Variants in EFNA5 observed in about 807,000 individuals in gnomAD.
EFNA5 encodes the protein ephrin A5.
In EFNA5, 5 loss-of-function variants were observed where a neutral mutation model predicts 22.9. The observed-to-expected ratio is 0.22, with a 90% CI of 0.11 to 0.46. EFNA5 has a LOEUF of 0.46. Among genes scored for constraint, EFNA5 ranks in the 20% least tolerant of loss-of-function variants. EFNA5 has a pLI of 0.99. For missense variants in EFNA5, 237 were observed against 293.3 expected, an observed-to-expected ratio of 0.81 and a Z score of 1.40; for synonymous variants, 113 against 112.2, an observed-to-expected ratio of 1.01 and a Z score of -0.04.
chr5:107,379,545 G>T lies in EFNA5; in HGVS notation c.*1710C>A, dbSNP rs1424694232. 1 of 15,634 alleles carries T rather than the reference G, an allele frequency of 6.4e-5. No individual in the cohort carries two copies. The highest frequency in any genetic ancestry group is 3.3e-4 in the African/African-American group (1 of 2,990). 1.0% of individuals were successfully genotyped at this position (15,634 alleles called of 1,614,324 possible). A position where few individuals can be genotyped will look rare whatever the true frequency, so the allele number is the denominator to read the frequency against. ...GGTTTCTGTTGACATGTCGTGCAAA[G>T]CCAAAAAAAAAAAAAAAAAAAGGGC... On this transcript the variant is annotated 3_prime_UTR_variant, in exon 5 of 5. Transcript: ENST00000333274.
At chr5:107,592,014 T>A (rs1326667927) in intron 1 of EFNA5, among the ~76,000 whole-genome samples, 7 of 43,170 alleles carry the variant, frequency 1.6e-4, no homozygotes, top group Admixed American at 3.7e-4. Context: ...ATAATATATA[T>A]AATATAATAT....
At chr5:107,391,297 C>G (rs539492656) in intron 2 of EFNA5, among the ~76,000 whole-genome samples, 1 of 152,308 alleles carries the variant, frequency 6.6e-6, no homozygotes, top group South Asian at 2.1e-4. Flanking sequence ...ATATGAACCA[C>G]AGTTTAGCGT....
At chr5:107,495,266 C>A (rs927637459) in intron 1 of EFNA5, among the ~76,000 whole-genome samples, 1 of 152,132 alleles carries the variant, frequency 6.6e-6, no homozygotes, top group African/African-American at 2.4e-5. Flanking sequence ...GGACCAGGAG[C>A]CCACCGGGAG....
chr5:107,591,901 TATATAATATAAAAAATATATATATA>T lies in EFNA5; in HGVS notation c.125+78563_125+78587del, dbSNP rs1561442868. Among the ~76,000 whole-genome samples the T allele has an allele frequency of 7.3e-3, 23 of 3,132 alleles. 5 individuals carry two copies. Among genetic ancestry groups the T allele is most frequent in the African/African-American group, 0.071 (19 of 268 alleles). 2.1% of individuals were successfully genotyped at this position (3,132 alleles called of 152,430 possible). A position where few individuals can be genotyped will look rare whatever the true frequency, so the allele number is the denominator to read the frequency against. On this transcript the variant is annotated intron_variant, in intron 1 of 4. Coordinates refer to ENST00000333274, the MANE Select transcript of EFNA5 (RefSeq NM_001962.3). ...TATATAATATATATATTATATATAA[TATATAATATAAAAAATATATATATA>T]ATATATAATATATATATTATATATA...
chr5:107,502,962 C>G (rs560952589), intron 1 of EFNA5, among the ~76,000 whole-genome samples: 57 of 152,306 alleles, frequency 3.7e-4, no homozygotes, highest in African/African-American at 1.3e-3. Context: ...TAATCAGGAG[C>G]AGCTTGCTAA....
At chr5:107,440,095 T>C (rs192132332) in intron 1 of EFNA5, among the ~76,000 whole-genome samples, 72 of 152,318 alleles carry the variant, frequency 4.7e-4, no homozygotes, top group African/African-American at 1.7e-3. Flanking sequence ...TATCCATTCA[T>C]ACAGCTGGAT....
At chr5:107,487,521 G>C (rs1218669052) in intron 1 of EFNA5, among the ~76,000 whole-genome samples, 9 of 152,238 alleles carry the variant, frequency 5.9e-5, no homozygotes, top group Non-Finnish European at 1.0e-4. Flanking sequence ...GTGTCCATGA[G>C]AGTATTAGGC....
chr5:107,621,818 T>C (rs182764886), intron 1 of EFNA5, among the ~76,000 whole-genome samples: 10 of 152,284 alleles, frequency 6.6e-5, no homozygotes, highest in African/African-American at 2.2e-4. Flanking sequence ...ACTATTTTGG[T>C]AGATTTTAGT....
At chr5:107,611,231 T>C (rs1749815061) in intron 1 of EFNA5, among the ~76,000 whole-genome samples, 1 of 152,030 alleles carries the variant, frequency 6.6e-6, no homozygotes, top group African/African-American at 2.4e-5. Context: ...GGAAATGCTA[T>C]AGTTTAAGAA....
chr5:107,579,620 A>T (rs1328646186), intron 1 of EFNA5, among the ~76,000 whole-genome samples: 1 of 126,668 alleles, frequency 7.9e-6, no homozygotes, highest in Non-Finnish European at 1.7e-5. Context: ...AGTTAATAGT[A>T]TTATAGTCCT....
chr5:107,471,623 C>T (rs2112386444), intron 1 of EFNA5, among the ~76,000 whole-genome samples: 1 of 152,234 alleles, frequency 6.6e-6, no homozygotes, highest in South Asian at 2.1e-4. Flanking sequence ...AATAATGTAG[C>T]CTGGATAACC....
chr5:107,399,049 A>T (rs1337057631), intron 2 of EFNA5, among the ~76,000 whole-genome samples: 4 of 152,122 alleles, frequency 2.6e-5, no homozygotes, highest in Admixed American at 2.6e-4. Context: ...CTTCTTGTAG[A>T]ATGATCTTGG....
At chr5:107,585,826 A>G (rs1410450763) in intron 1 of EFNA5, among the ~76,000 whole-genome samples, 2 of 152,368 alleles carry the variant, frequency 1.3e-5, no homozygotes, top group East Asian at 3.9e-4. Context: ...AAGTTAAGTT[A>G]CATAAGAACA....
At chr5:107,503,795 C>A (rs1253541151) in intron 1 of EFNA5, among the ~76,000 whole-genome samples, 1 of 151,966 alleles carries the variant, frequency 6.6e-6, no homozygotes, top group Non-Finnish European at 1.5e-5. Context: ...ATTGTTTACC[C>A]ATTAAAAAGG....
At position 107,530,088 on chromosome 5, in the gene EFNA5, G is replaced by A. The variant is rs1747777871; in HGVS notation, c.126-102579C>T. Among the ~76,000 whole-genome samples the A allele has an allele frequency of 2.0e-5, 3 of 152,178 alleles. No homozygotes were observed. The South Asian group carries it at 6.2e-4, about 32-fold the overall frequency. On this transcript the variant is annotated intron_variant, in intron 1 of 4. Transcript: ENST00000333274. ...AAGCTAGTTGGAATAGTCAGGATAG[G>A]CTAGATTATGAAGCAGTAACGACCA... is the stretch of plus-strand genomic sequence containing the variant.
intron 1 of EFNA5, among the ~76,000 whole-genome samples, chr5:107,488,731 G>A (rs777334802): frequency 1.1e-4 from 16 of 151,606 alleles, no homozygotes; most frequent in East Asian, 2.0e-4. Context: ...TTGCTCTGTC[G>A]CCCAGGCTAC....
chr5:107,584,338 A>G (rs1469111605), intron 1 of EFNA5, among the ~76,000 whole-genome samples: 2 of 152,200 alleles, frequency 1.3e-5, no homozygotes, highest in Non-Finnish European at 2.9e-5. Flanking sequence ...AACGCCAAGG[A>G]GGCAAACTCA....
At chr5:107,605,609 A>T (rs1749696493) in intron 1 of EFNA5, among the ~76,000 whole-genome samples, 2 of 151,176 alleles carry the variant, frequency 1.3e-5, no homozygotes, top group African/African-American at 4.9e-5. Flanking sequence ...TCTCAACCCA[A>T]AATTTCAATA....
intron 1 of EFNA5, among the ~76,000 whole-genome samples, chr5:107,546,686 A>T (rs372743): frequency 1.5e-4 from 21 of 142,520 alleles, no homozygotes; most frequent in Admixed American, 6.3e-4. Context: ...ACACACACAC[A>T]CTCTCACCCC....
Sources: allele counts gnomAD v4.1 joint callset (sites outside exome capture counted in the v4.1 genomes callset), GRCh38; gene constraint gnomAD v4.1.1; transcripts MANE v1.5; gene names NCBI Gene and HGNC (gene_info 2026-07-23, HGNC 2026-07-21).